The following PROSER1 variants were observed in gnomAD, a reference collection of about 807,000 sequenced individuals.
PROSER1 encodes proline and serine-rich protein 1.
In PROSER1, 36 loss-of-function variants were observed where a neutral mutation model predicts 71.8. The ratio of observed to expected loss-of-function variants is 0.50; its 90% CI spans 0.38 to 0.66. The LOEUF is 0.66. Ranked by LOEUF, PROSER1 falls within the 30% of genes least tolerant of loss-of-function variation. The pLI is 0.00. For missense variants in PROSER1, 1,107 were observed against 1,135.0 expected (o/e 0.98, Z 0.35); for synonymous variants, 490 against 452.4 (o/e 1.08, Z -1.06).
At chr13:39,017,566 T>G (rs747563159) in intron 9 of PROSER1, 22 bp from the exon 10 acceptor site, 1 of 1,291,620 alleles carries the variant, frequency 7.7e-7, no homozygotes, top group South Asian at 1.3e-5. Flanking sequence ...TAAATAAAAG[T>G]TCATTTTAAA....
chr13:39,036,334 TTAA>T (rs1566030266), intron 1 of PROSER1, among the ~76,000 whole-genome samples: 2 of 152,152 alleles, frequency 1.3e-5, no homozygotes, highest in Non-Finnish European at 1.5e-5. Context: ...AGAGACAATT[TTAA>T]TAATAGCTTT....
In PROSER1 at chr13:39,017,523, G is replaced by T. The variant is rs749327970; in HGVS notation, c.752C>A (p.Pro251Gln). 1.1e-5 allele frequency: 17 copies of T among 1,534,630 alleles called. No homozygotes were observed. The highest frequency in any genetic ancestry group is 1.8e-5 in the Admixed American group (1 of 56,662). The change falls in exon 10 of 13, where the codon CCG (proline) becomes CAG (glutamine). Residue 251 changes from proline to glutamine, a missense_variant. Physicochemically the swap from Pro to Gln is moderately conservative, Grantham distance 76. Transcript: ENST00000352251. ...ACTTTGATTCTGTATAGGTTTTGAC[G>T]GATTCGAAAGGTCTTCATTCTCTAT... ...VGTENEDLSN[P>Q]SKPIQNQTFS...
At chr13:39,029,941 T>A (rs918063482) in intron 3 of PROSER1, among the ~76,000 whole-genome samples, 5 of 152,324 alleles carry the variant, frequency 3.3e-5, no homozygotes, top group Non-Finnish European at 5.9e-5. Flanking sequence ...TGTGGAATGT[T>A]ACATAATTAT....
At chr13:39,024,427 T>C in intron 7 of PROSER1, 46 bp downstream of exon 7, 1 of 1,359,248 alleles carries the variant, frequency 7.4e-7, no homozygotes, top group Non-Finnish European at 1.0e-6. Context: ...AAGGAAACTT[T>C]ATGTAGGAAG....
chr13:39,013,850 G>T lies in PROSER1; in HGVS notation c.1402C>A (p.Leu468Ile). Residue 468 changes from leucine to isoleucine, a missense_variant, in exon 11 of 13, where the codon CTT (leucine) becomes ATT (isoleucine). By Grantham distance (5) the Leu-to-Ile change is conservative. Coordinates refer to ENST00000352251, the MANE Select transcript of PROSER1 (RefSeq NM_025138.5). ...AGAAAACCTTTTAACGCAGACAAAA[G>T]AGGACTGTTCACACCAAGTGGACCG... is the stretch of plus-strand genomic sequence containing the variant. ...VAGPLGVNSP[L>I]LSALKGFLTS... The T allele has an allele frequency of 6.2e-7, 1 of 1,614,254 alleles. No homozygotes were observed. The highest frequency in any genetic ancestry group is 1.1e-5 in the South Asian group (1 of 91,086).
intron 2 of PROSER1, 95 bp downstream of exon 2, chr13:39,034,036 A>T: frequency 1.2e-6 from 1 of 832,858 alleles, no homozygotes; most frequent in South Asian, 2.2e-5. Context: ...TACAGCAAAA[A>T]GGTAAAACCA....
At chr13:39,015,377 G>C (rs1369156131) in intron 10 of PROSER1, among the ~76,000 whole-genome samples, 1 of 152,136 alleles carries the variant, frequency 6.6e-6, no homozygotes, top group Non-Finnish European at 1.5e-5. Flanking sequence ...GACTTAGGTA[G>C]CTAATGTCAT....
intron 1 of PROSER1, 59 bp downstream of exon 1, chr13:39,037,139 G>C: frequency 7.8e-7 from 1 of 1,278,752 alleles, no homozygotes; most frequent in Non-Finnish European, 1.1e-6. Flanking sequence ...GTACCTCAAA[G>C]AGAGTCTAAA....
Position 39,013,937 on chromosome 13 carries a change from T to C in PROSER1, c.1315A>G (p.Thr439Ala). 1 of 1,613,972 alleles carries C rather than the reference T, an allele frequency of 6.2e-7. No homozygotes were observed. Among genetic ancestry groups the C allele is most frequent in the Non-Finnish European group, 8.5e-7 (1 of 1,179,970 alleles). The change falls in exon 11 of 13, where the codon ACA becomes GCA. Residue 439 changes from threonine (T) to alanine (A), a missense_variant. Transcript: ENST00000352251. ...FAGLPLPLPPTSQGLSNPTPV... is the reference protein window; with the variant it reads ...FAGLPLPLPPASQGLSNPTPV... ...GTCGGGTTGGATAGGCCTTGGGATGTTGGTGGTAAGGGCAAAGGGAGCCCT... is the reference window on the plus strand; with the variant it reads ...GTCGGGTTGGATAGGCCTTGGGATGCTGGTGGTAAGGGCAAAGGGAGCCCT...
chr13:39,011,832 G>A (rs1407699035), intron 12 of PROSER1, among the ~76,000 whole-genome samples: 2 of 152,140 alleles, frequency 1.3e-5, no homozygotes, highest in Non-Finnish European at 2.9e-5. Context: ...TTTATCAAGT[G>A]AAATCTATAA....
Position 39,024,338 on chromosome 13 carries a change from T to G in PROSER1, c.564+135A>C, listed in dbSNP as rs1870441024. 1.1e-5 allele frequency: 7 copies of G among 622,446 alleles called. No individual in the cohort carries two copies. In the Admixed American group the frequency reaches 2.1e-4, roughly 18 times the overall value. The allele number at this position is 622,446 out of a possible 1,614,324, so 38.6% of individuals were successfully genotyped here. A position where few individuals can be genotyped will look rare whatever the true frequency, so the allele number is the denominator to read the frequency against. ...TAAATATTTATGTTTCCCTCATCCATTCACTCTCTCACTCTCCTACAATTT... is the reference window on the plus strand; with the variant it reads ...TAAATATTTATGTTTCCCTCATCCAGTCACTCTCTCACTCTCCTACAATTT... On this transcript the variant is annotated intron_variant, in intron 7 of 12. Coordinates refer to ENST00000352251, the MANE Select transcript of PROSER1 (RefSeq NM_025138.5).
At chr13:39,034,222 A>G in intron 1 of PROSER1, 26 bp from the exon 2 acceptor site, 2 of 1,540,356 alleles carry the variant, frequency 1.3e-6, no homozygotes, top group Non-Finnish European at 1.8e-6. Context: ...ACACACACAC[A>G]GAGTAAAACA....
rs1869635115 is a variant in PROSER1 at position 39,011,243 on chromosome 13, C to T, written c.*122G>A. ...AATTTTCAAATTGTTGTCACAATTT[C>T]TCCAGGATTACCCTCATTCTCATTT... On this transcript the variant is annotated 3_prime_UTR_variant, in exon 13 of 13. Transcript: ENST00000352251. 14 of 957,224 alleles carry T rather than the reference C, an allele frequency of 1.5e-5. No individual in the cohort carries two copies. Among genetic ancestry groups the T allele is most frequent in the Non-Finnish European group, 4.7e-6 (3 of 636,028 alleles). 59.3% of individuals were successfully genotyped at this position (957,224 alleles called of 1,614,324 possible).
rs370484502 is a variant in PROSER1, at chr13:39,012,173, C to G, written c.2622G>C (p.Pro874=). The G allele has an allele frequency of 6.2e-7, 1 of 1,613,954 alleles. No homozygotes were observed. The highest frequency in any genetic ancestry group is 2.2e-5 in the East Asian group (1 of 44,868). The part of the protein sequence containing the change: ...SSVFPGLLSL[P]GIPGFPQNPS... ...GATTCTGAGGAAACCCAGGGATACC[C>G]GGGAGGGACAAAAGGCCTGGAAAAA... is the stretch of plus-strand genomic sequence containing the variant. Residue 874 remains proline (P), a synonymous_variant, in exon 12 of 13, where the codon CCG becomes CCC. Transcript: ENST00000352251.
chr13:39,028,402 C>A, intron 4 of PROSER1, 82 bp from the exon 5 acceptor site: 1 of 723,718 alleles, frequency 1.4e-6, no homozygotes, highest in Non-Finnish European at 2.4e-6. Context: ...ACCACACAAA[C>A]ATCTGAGTAA....
chr13:39,032,624 G>C (rs992003522), intron 2 of PROSER1, among the ~76,000 whole-genome samples: 13 of 151,990 alleles, frequency 8.6e-5, no homozygotes, highest in Non-Finnish European at 1.8e-4. Context: ...TAGCAAATAA[G>C]TATTATGTAT....
At chr13:39,017,400 TA>T in intron 10 of PROSER1, 99 bp downstream of exon 10, 1 of 798,804 alleles carries the variant, frequency 1.3e-6, no homozygotes. Context: ...AAACTTTTCC[TA>T]AAACATAACC....
rs375719435 is a variant in PROSER1 at position 39,026,395 on chromosome 13, A to G, written c.370-8T>C. ...GCAGCCCCCCTTGAAAGCCTGTAAT[A>G]TAAGAAAGAAGAGGGGTAGGAAAAA... On this transcript the variant is annotated splice_polypyrimidine_tract_variant and splice_region_variant and intron_variant, in intron 5 of 12. Coordinates refer to ENST00000352251, the MANE Select transcript of PROSER1 (RefSeq NM_025138.5). 22 of 1,585,106 alleles carry G rather than the reference A, an allele frequency of 1.4e-5. No individual in the cohort carries two copies. Among genetic ancestry groups the G allele is most frequent in the South Asian group, 2.3e-5 (2 of 88,454 alleles).
At chr13:39,026,763 A>C (rs1870564488) in intron 5 of PROSER1, among the ~76,000 whole-genome samples, 1 of 152,216 alleles carries the variant, frequency 6.6e-6, no homozygotes, top group African/African-American at 2.4e-5. Flanking sequence ...GAGGACACAG[A>C]GATGGAAGAA....
Sources: gnomAD v4.1 joint callset for allele counts (sites outside exome capture counted in the v4.1 genomes callset) on GRCh38, gnomAD v4.1.1 for gene constraint, MANE v1.5 for transcripts, NCBI Gene and HGNC (gene_info 2026-07-23, HGNC 2026-07-21) for gene names.